Variants in ZFPM2 observed in about 807,000 individuals in gnomAD.
The protein encoded by ZFPM2 is zinc finger protein ZFPM2.
ZFPM2 carries 20 observed loss-of-function variants against 98.6 expected under a neutral mutation model. The ratio of observed to expected loss-of-function variants is 0.20; its 90% CI spans 0.14 to 0.29. The LOEUF is 0.29. ZFPM2 is among the 10% of genes least tolerant of loss of function. The probability of loss-of-function intolerance (pLI) is 1.00; values close to 1 mark genes in which losing one functional copy is unlikely to be tolerated. For synonymous variants in ZFPM2, 518 were observed against 502.7 expected (o/e 1.03, Z -0.41); for missense variants, 1,310 against 1,388.6 (o/e 0.94, Z 0.90).
chr8:105,744,631 G>A (rs1586234386), intron 5 of ZFPM2, among the ~76,000 whole-genome samples: 1 of 134,454 alleles, frequency 7.4e-6, no homozygotes, highest in Non-Finnish European at 1.6e-5. Context: ...TTGTGTGTAT[G>A]TATATTAGAA....
intron 5 of ZFPM2, among the ~76,000 whole-genome samples, chr8:105,708,665 A>G (rs1383808720): frequency 6.6e-6 from 1 of 152,066 alleles, no homozygotes; most frequent in Non-Finnish European, 1.5e-5. Flanking sequence ...GCTGGTTTTT[A>G]ACTCCTGGGC....
intron 1 of ZFPM2, among the ~76,000 whole-genome samples, chr8:105,393,947 G>A (rs1202634821): frequency 6.9e-6 from 1 of 145,602 alleles, no homozygotes; most frequent in African/African-American, 2.6e-5. Flanking sequence ...AGGCTGGTGT[G>A]CAGTGGTGTG....
At chr8:105,747,865 AT>A (rs1303858593) in intron 5 of ZFPM2, among the ~76,000 whole-genome samples, 3 of 152,124 alleles carry the variant, frequency 2.0e-5, no homozygotes, top group African/African-American at 7.2e-5. Flanking sequence ...GAACCAATTA[AT>A]GCATTCACAC....
chr8:105,438,567 A>C (rs933747689), intron 2 of ZFPM2, among the ~76,000 whole-genome samples: 1 of 152,136 alleles, frequency 6.6e-6, no homozygotes, highest in South Asian at 2.1e-4. Flanking sequence ...TTCCAAAAAT[A>C]TGTAATTTGC....
At chr8:105,385,025 C>T (rs1810956065) in intron 1 of ZFPM2, among the ~76,000 whole-genome samples, 1 of 152,050 alleles carries the variant, frequency 6.6e-6, no homozygotes, top group Admixed American at 6.6e-5. Flanking sequence ...TAAACTGAGA[C>T]CTAGAGAGGT....
At chr8:105,665,574 A>G (rs2130894197) in intron 5 of ZFPM2, among the ~76,000 whole-genome samples, 1 of 152,176 alleles carries the variant, frequency 6.6e-6, no homozygotes, top group Admixed American at 6.5e-5. Flanking sequence ...TTTGTAAAGA[A>G]TCAAGACAAC....
intron 1 of ZFPM2, among the ~76,000 whole-genome samples, chr8:105,341,077 C>T (rs1224411432): frequency 6.6e-6 from 1 of 151,868 alleles, no homozygotes; most frequent in Non-Finnish European, 1.5e-5. Flanking sequence ...ACCATATTAC[C>T]TTTTGAATGG....
intron 5 of ZFPM2, among the ~76,000 whole-genome samples, chr8:105,640,303 T>A (rs1219108993): frequency 1.7e-5 from 2 of 115,480 alleles, no homozygotes; most frequent in Non-Finnish European, 4.0e-5. Context: ...TTATCAGCAA[T>A]TTTTTTTCCC....
chr8:105,721,710 C>T (rs1586219613), intron 5 of ZFPM2, among the ~76,000 whole-genome samples: 1 of 151,954 alleles, frequency 6.6e-6, no homozygotes, highest in East Asian at 1.9e-4. Context: ...TTCTTACCTT[C>T]ATCAGGCCTT....
Position 105,541,927 on chromosome 8 carries a change from TA to T in ZFPM2, c.302-19430del, listed in dbSNP as rs1814582921. ...GAAGAAATTGCTAATTTTTTTAATG[TA>T]AAAAATTATTTTTCCAGAAATAAAG... On this transcript the variant is annotated intron_variant, in intron 3 of 7. Coordinates refer to ENST00000407775, the MANE Select transcript of ZFPM2 (RefSeq NM_012082.4). Among the ~76,000 whole-genome samples, 5 of 152,196 alleles carry T rather than the reference TA, an allele frequency of 3.3e-5. No homozygotes were observed. In the South Asian group the frequency reaches 1.0e-3, roughly 32 times the overall value.
At chr8:105,776,486 G>A (rs1015578071) in intron 5 of ZFPM2, among the ~76,000 whole-genome samples, 1 of 152,280 alleles carries the variant, frequency 6.6e-6, no homozygotes, top group Non-Finnish European at 1.5e-5. Context: ...AATATAGCAT[G>A]GCCAACATTT....
chr8:105,393,392 T>TTCCTTTCTTTCTC (rs56075747), intron 1 of ZFPM2, among the ~76,000 whole-genome samples: 1 of 149,376 alleles, frequency 6.7e-6, no homozygotes, highest in Non-Finnish European at 1.5e-5. Context: ...CTTTCTTTCT[T>TTCCTTTCTTTCTC]CTTCAGAATT....
intron 1 of ZFPM2, among the ~76,000 whole-genome samples, chr8:105,343,964 G>A (rs1296763889): frequency 1.3e-5 from 2 of 152,110 alleles, no homozygotes; most frequent in African/African-American, 2.4e-5. Context: ...AGTTCCACAT[G>A]GCTGGAGAGG....
chr8:105,670,549 T>C lies in ZFPM2; in HGVS notation c.532+36192T>C, dbSNP rs553840738. ...AAACTATACAACAACATTCTGTGTA[T>C]GTCTGTGTATGCGCGCCTTCATCCT... On this transcript the variant is annotated intron_variant, in intron 5 of 7. Coordinates refer to ENST00000407775, the MANE Select transcript of ZFPM2 (RefSeq NM_012082.4). Among the ~76,000 whole-genome samples, 13 of 149,938 alleles carry C rather than the reference T, an allele frequency of 8.7e-5. No homozygotes were observed. The East Asian group carries it at 2.5e-3, about 29-fold the overall frequency.
At chr8:105,465,497 CAAA>C (rs1308871628) in intron 3 of ZFPM2, among the ~76,000 whole-genome samples, 2 of 151,624 alleles carry the variant, frequency 1.3e-5, no homozygotes, top group South Asian at 2.1e-4. Flanking sequence ...TTATATCACA[CAAA>C]AAACGCAAAG....
intron 2 of ZFPM2, among the ~76,000 whole-genome samples, chr8:105,425,932 A>G (rs1421019661): frequency 6.6e-6 from 1 of 152,068 alleles, no homozygotes. Context: ...ACATCATAGT[A>G]TTTTGTTTCC....
chr8:105,433,737 A>C (rs1812065255), intron 2 of ZFPM2, among the ~76,000 whole-genome samples: 1 of 152,168 alleles, frequency 6.6e-6, no homozygotes. Flanking sequence ...CAGTGAGCCG[A>C]GATCACGCCA....
intron 1 of ZFPM2, among the ~76,000 whole-genome samples, chr8:105,372,572 G>T (rs1331254614): frequency 6.6e-6 from 1 of 152,086 alleles, no homozygotes. Flanking sequence ...GTAAATAAAA[G>T]TCTGGTAGAT....
chr8:105,581,586 A>C (rs953698363), intron 4 of ZFPM2, among the ~76,000 whole-genome samples: 1 of 152,214 alleles, frequency 6.6e-6, no homozygotes, highest in Non-Finnish European at 1.5e-5. Context: ...AGAGCATAGA[A>C]ATAACCAAAA....
Sources: allele counts gnomAD v4.1 joint callset (sites outside exome capture counted in the v4.1 genomes callset), GRCh38; gene constraint gnomAD v4.1.1; transcripts MANE v1.5; gene names NCBI Gene and HGNC (gene_info 2026-07-23, HGNC 2026-07-21).